CDH4: variants seen among roughly 807,000 people sequenced by gnomAD.
The protein encoded by CDH4 is cadherin 4.
A neutral mutation model predicts 86.0 loss-of-function variants in CDH4; 33 were observed. That is an observed-to-expected ratio of 0.38 (90% CI 0.29 to 0.51). The LOEUF is 0.51. CDH4 is among the 20% of genes least tolerant of loss of function. CDH4 has a pLI of 0.86. For missense variants in CDH4, 1,114 were observed against 1,307.4 expected (o/e 0.85, Z 2.28); for synonymous variants, 555 against 549.4 (o/e 1.01, Z -0.14).
chr20:61,693,908 T>C (rs2087688538), intron 2 of CDH4, among the ~76,000 whole-genome samples: 1 of 147,152 alleles, frequency 6.8e-6, no homozygotes, highest in Non-Finnish European at 1.5e-5. Context: ...TTTTTTTTTT[T>C]TTGAGACAGA....
chr20:61,257,630 T>TG (rs1305672595), intron 2 of CDH4, among the ~76,000 whole-genome samples: 1 of 152,274 alleles, frequency 6.6e-6, no homozygotes, highest in Non-Finnish European at 1.5e-5. Flanking sequence ...TGATCACTGA[T>TG]GCATGGCCGT....
chr20:61,628,333 C>T (rs1421180752), intron 2 of CDH4, among the ~76,000 whole-genome samples: 1 of 152,056 alleles, frequency 6.6e-6, no homozygotes, highest in Non-Finnish European at 1.5e-5. Flanking sequence ...CCGGGCACCC[C>T]CACCCCTGTG....
chr20:61,666,911 G>A (rs768235071), intron 2 of CDH4, among the ~76,000 whole-genome samples: 1 of 152,208 alleles, frequency 6.6e-6, no homozygotes, highest in Non-Finnish European at 1.5e-5. Flanking sequence ...CAGGGTGGGG[G>A]TGCTGTCTTG....
intron 2 of CDH4, among the ~76,000 whole-genome samples, chr20:61,304,896 G>A (rs1242785949): frequency 3.3e-5 from 5 of 151,862 alleles, no homozygotes; most frequent in African/African-American, 1.2e-4. Flanking sequence ...TTGTGTGTGG[G>A]ATGTTTGTGC....
chr20:61,821,807 A>G (rs1981058829), intron 4 of CDH4, among the ~76,000 whole-genome samples: 1 of 152,250 alleles, frequency 6.6e-6, no homozygotes, highest in Non-Finnish European at 1.5e-5. Context: ...AGGCACCTGG[A>G]TGGCCTGGGT....
At chr20:61,301,500 C>T in intron 2 of CDH4, among the ~76,000 whole-genome samples, 1 of 152,166 alleles carries the variant, frequency 6.6e-6, no homozygotes, top group East Asian at 1.9e-4. Flanking sequence ...AGGCCTCTTG[C>T]CTTGGTCATA....
chr20:61,932,203 T>C (rs2055119028), intron 13 of CDH4, among the ~76,000 whole-genome samples: 1 of 152,158 alleles, frequency 6.6e-6, no homozygotes, highest in Non-Finnish European at 1.5e-5. Context: ...TCAGAAAGAC[T>C]TGTGGGTGGG....
At chr20:61,917,112 C>G (rs1423651298) in intron 9 of CDH4, among the ~76,000 whole-genome samples, 2 of 152,224 alleles carry the variant, frequency 1.3e-5, no homozygotes, top group African/African-American at 4.8e-5. Context: ...CCACAGGCAT[C>G]TCGGGCACGT....
At chr20:61,863,255 G>T (rs934246205) in intron 6 of CDH4, among the ~76,000 whole-genome samples, 2 of 152,322 alleles carry the variant, frequency 1.3e-5, no homozygotes, top group East Asian at 1.9e-4. Flanking sequence ...CATCTCCCAC[G>T]TGAAAGACGA....
chr20:61,615,667 C>T (rs1327745635), intron 2 of CDH4, among the ~76,000 whole-genome samples: 1 of 152,120 alleles, frequency 6.6e-6, no homozygotes, highest in Non-Finnish European at 1.5e-5. Context: ...TATCTAGGCC[C>T]AGCTAGTTCT....
At chr20:61,809,863 G>T (rs976445370) in intron 4 of CDH4, among the ~76,000 whole-genome samples, 5 of 152,206 alleles carry the variant, frequency 3.3e-5, no homozygotes, top group Admixed American at 6.5e-5. Context: ...GAGCACAGCG[G>T]GGGGTGGGGG....
chr20:61,425,757 G>A (rs1451891789), intron 2 of CDH4, among the ~76,000 whole-genome samples: 3 of 148,510 alleles, frequency 2.0e-5, no homozygotes, highest in South Asian at 2.2e-4. Context: ...ATTGCAGGAC[G>A]TTCTCGAGGG....
At chr20:61,819,530 G>A (rs886189433) in intron 4 of CDH4, among the ~76,000 whole-genome samples, 1 of 152,238 alleles carries the variant, frequency 6.6e-6, no homozygotes, top group African/African-American at 2.4e-5. Flanking sequence ...AGGCGGCCGG[G>A]CTGCAGCCCA....
chr20:61,388,865 G>T (rs1271649669), intron 2 of CDH4, among the ~76,000 whole-genome samples: 3 of 152,228 alleles, frequency 2.0e-5, no homozygotes, highest in Non-Finnish European at 4.4e-5. Flanking sequence ...GCCGTTGTGT[G>T]AGCATAATAT....
chr20:61,926,160 C>T (rs8125347), intron 11 of CDH4, among the ~76,000 whole-genome samples: 351 of 152,308 alleles, frequency 2.3e-3, no homozygotes, highest in Non-Finnish European at 3.8e-3. Flanking sequence ...ACAAAACAGG[C>T]GGCTGGGAGG....
In CDH4 at chr20:61,858,495, GTGTGTGTCTGTGTC is replaced by G. The variant is rs1156516147; in HGVS notation, c.877+5603_877+5616del. Reference sequence around the variant, plus strand: ...TGTGTCTGTGTCTCTGTGTCTGTATGTGTGTGTCTGTGTCTGTGTATCTGTGTCTGTGTGTCTGC... The same window carrying G: ...TGTGTCTGTGTCTCTGTGTCTGTATGTGTGTATCTGTGTCTGTGTGTCTGC... On this transcript the variant is annotated intron_variant, in intron 6 of 15. Transcript: ENST00000614565. Among the ~76,000 whole-genome samples the G allele has an allele frequency of 3.3e-5, 5 of 150,344 alleles. No homozygotes were observed. In the South Asian group the frequency reaches 8.5e-4, roughly 25 times the overall value.
chr20:61,576,119 G>A (rs929149425), intron 2 of CDH4, among the ~76,000 whole-genome samples: 3 of 152,300 alleles, frequency 2.0e-5, no homozygotes, highest in South Asian at 2.1e-4. Context: ...TGTGGGCTCC[G>A]AATCAAAGCT....
intron 11 of CDH4, among the ~76,000 whole-genome samples, chr20:61,927,252 G>A (rs1274114817): frequency 6.6e-6 from 1 of 152,214 alleles, no homozygotes; most frequent in Non-Finnish European, 1.5e-5. Flanking sequence ...CACCACCGCC[G>A]CCTCCAAGCC....
At chr20:61,609,512 A>G (rs1473902554) in intron 2 of CDH4, among the ~76,000 whole-genome samples, 1 of 152,174 alleles carries the variant, frequency 6.6e-6, no homozygotes, top group Admixed American at 6.5e-5. Context: ...AACAAATTCC[A>G]AAAGAAGTGC....
Sources: gnomAD v4.1 joint callset for allele counts (sites outside exome capture counted in the v4.1 genomes callset) on GRCh38, gnomAD v4.1.1 for gene constraint, MANE v1.5 for transcripts, NCBI Gene and HGNC (gene_info 2026-07-23, HGNC 2026-07-21) for gene names.